The following KIF16B variants were observed in gnomAD, a reference collection of about 807,000 sequenced individuals.
KIF16B encodes the protein kinesin-like protein KIF16B.
In KIF16B, 98 loss-of-function variants were observed where a neutral mutation model predicts 156.3. The observed-to-expected ratio is 0.63, with a 90% CI of 0.53 to 0.74. The LOEUF is 0.74. Among genes scored for constraint, KIF16B ranks in the 30% least tolerant of loss-of-function variants. KIF16B has a pLI of 0.00. For synonymous variants in KIF16B, 564 were observed against 583.7 expected, an observed-to-expected ratio of 0.97 and a Z score of 0.49; for missense variants, 1,421 against 1,606.5, an observed-to-expected ratio of 0.88 and a Z score of 1.97.
rs771659575 is a variant in KIF16B at position 16,380,166 on chromosome 20, G to A, written c.1839-3C>T. The A allele has an allele frequency of 1.3e-6, 2 of 1,506,650 alleles. No homozygotes were observed. Among genetic ancestry groups the A allele is most frequent in the Middle Eastern group, 1.8e-4 (1 of 5,586 alleles). 93.3% of individuals were successfully genotyped at this position (1,506,650 alleles called of 1,614,324 possible). On this transcript the variant is annotated splice_polypyrimidine_tract_variant and splice_region_variant and intron_variant, in intron 18 of 25. Coordinates refer to ENST00000354981, the MANE Select transcript of KIF16B (RefSeq NM_024704.5). The stretch of plus-strand genomic sequence containing the variant: ...CCTCCATTTCTTCTATGAGTTTCCT[G>A]AAATGCAAAGCACTGACTGGTTGTT...
intron 22 of KIF16B, among the ~76,000 whole-genome samples, chr20:16,358,279 C>G (rs367746657): frequency 6.6e-6 from 1 of 152,292 alleles, no homozygotes; most frequent in African/African-American, 2.4e-5. Context: ...GAAAGGCAAA[C>G]TTCATGTTTT....
intron 25 of KIF16B, among the ~76,000 whole-genome samples, chr20:16,304,595 G>A (rs74971794): frequency 0.048 from 7,344 of 152,164 alleles, 221 homozygotes; most frequent in Non-Finnish European, 0.075. Flanking sequence ...CCTAAATGAG[G>A]AAGAAAACAG....
At chr20:16,308,885 T>C (rs1248937360) in intron 25 of KIF16B, among the ~76,000 whole-genome samples, 1 of 152,234 alleles carries the variant, frequency 6.6e-6, no homozygotes, top group Non-Finnish European at 1.5e-5. Flanking sequence ...GTACATTCTT[T>C]TCCTGTTACC....
intron 15 of KIF16B, among the ~76,000 whole-genome samples, chr20:16,411,612 A>G (rs1159679732): frequency 6.6e-6 from 1 of 152,056 alleles, no homozygotes; most frequent in Non-Finnish European, 1.5e-5. Flanking sequence ...TAATGCATGC[A>G]GGTCTTGGAC....
At chr20:16,387,853 TTTA>T (rs2065265564) in intron 17 of KIF16B, among the ~76,000 whole-genome samples, 1 of 151,776 alleles carries the variant, frequency 6.6e-6, no homozygotes, top group African/African-American at 2.4e-5. Context: ...AAGCCTTCAC[TTTA>T]GAGTGTCTGA....
chr20:16,376,296 C>T (rs1313993523), intron 19 of KIF16B, among the ~76,000 whole-genome samples: 1 of 152,126 alleles, frequency 6.6e-6, no homozygotes, highest in African/African-American at 2.4e-5. Context: ...GTCAATGGGG[C>T]AGCTGGAATG....
intron 22 of KIF16B, chr20:16,366,927 GTGA>G: frequency 8.1e-7 from 1 of 1,239,772 alleles, no homozygotes; most frequent in Non-Finnish European, 1.0e-6. Context: ...ATGAAGCAAG[GTGA>G]TGATAAAGAT....
intron 25 of KIF16B, among the ~76,000 whole-genome samples, chr20:16,284,385 T>G (rs144376613): frequency 6.6e-6 from 1 of 152,240 alleles, no homozygotes; most frequent in Non-Finnish European, 1.5e-5. Context: ...CCTTCCCCAG[T>G]AAGCCTCAAC....
intron 12 of KIF16B, among the ~76,000 whole-genome samples, chr20:16,456,894 C>A (rs950835913): frequency 2.6e-5 from 4 of 152,188 alleles, no homozygotes; most frequent in African/African-American, 9.7e-5. Context: ...CCCCACACAG[C>A]TTATAGGCTT....
At chr20:16,369,007 C>G in intron 22 of KIF16B, 1 of 985,816 alleles carries the variant, frequency 1.0e-6, no homozygotes, top group Non-Finnish European at 1.2e-6. Flanking sequence ...TTCAAAATGG[C>G]CAGCATGCTC....
chr20:16,289,862 T>A (rs191321701), intron 25 of KIF16B, among the ~76,000 whole-genome samples: 2 of 151,824 alleles, frequency 1.3e-5, no homozygotes, highest in South Asian at 4.2e-4. Flanking sequence ...AAGAAAAGAG[T>A]TGTGTTAAAA....
chr20:16,378,676 A>ATG lies in KIF16B; in HGVS notation c.3197+127_3197+128dup, dbSNP rs886785199. On this transcript the variant is annotated intron_variant, in intron 19 of 25. Coordinates refer to ENST00000354981, the MANE Select transcript of KIF16B (RefSeq NM_024704.5). Reference sequence around the variant, plus strand: ...TTCTGGCAAATATAAGCATTTGCCTATGTATTAAAGAATATGAAGGCTAAA... The same window carrying ATG: ...TTCTGGCAAATATAAGCATTTGCCTATGTGTATTAAAGAATATGAAGGCTAAA... 1.3e-4 allele frequency: 114 copies of ATG among 904,988 alleles called. No homozygotes were observed. In the Admixed American group the frequency reaches 2.9e-3, roughly 23 times the overall value. 56.1% of individuals were successfully genotyped at this position (904,988 alleles called of 1,614,324 possible). A position where few individuals can be genotyped will look rare whatever the true frequency, so the allele number is the denominator to read the frequency against.
intron 12 of KIF16B, among the ~76,000 whole-genome samples, chr20:16,437,976 T>TAAAAAAAAAA (rs1175714230): frequency 9.3e-5 from 10 of 107,782 alleles, no homozygotes; most frequent in African/African-American, 2.9e-4. Flanking sequence ...CTACTAAAAA[T>TAAAAAAAAAA]AAAAAAAAAT....
chr20:16,573,288 A>T lies in KIF16B; in HGVS notation c.-13T>A. The T allele has an allele frequency of 6.2e-7, 1 of 1,609,504 alleles. No homozygotes were observed. On this transcript the variant is annotated 5_prime_UTR_variant, in exon 1 of 26. Transcript: ENST00000354981. ...TGACCGATGCCATCGCTCATCCCGA[A>T]CCAGCCCGCGCGGGGTCCCACTAGC...
Position 16,374,302 on chromosome 20 carries a change from G to A in KIF16B, c.3305C>T (p.Pro1102Leu). 6.2e-7 allele frequency: 1 copy of A among 1,603,854 alleles called. No homozygotes were observed. Among genetic ancestry groups the A allele is most frequent in the South Asian group, 1.1e-5 (1 of 88,944 alleles). Residue 1102 changes from proline (P) to leucine (L), a missense_variant, in exon 20 of 26, where the codon CCA becomes CTA. Physicochemically the swap from Pro to Leu is moderately conservative, Grantham distance 98. Coordinates refer to ENST00000354981, the MANE Select transcript of KIF16B (RefSeq NM_024704.5). ...LEGKVASSSLPVSAEKSHLVP... is the reference protein window; with the variant it reads ...LEGKVASSSLLVSAEKSHLVP... The stretch of plus-strand genomic sequence containing the variant: ...CAGGTGTGATTTTTCAGCACTGACT[G>A]GCAAGCTGGAAGAAGCCACCTTCCC...
intron 23 of KIF16B, among the ~76,000 whole-genome samples, chr20:16,355,766 C>T (rs568371428): frequency 1.3e-5 from 2 of 151,904 alleles, no homozygotes; most frequent in South Asian, 4.2e-4. Context: ...TTGTATAAAT[C>T]AAGAAACACT....
At chr20:16,300,985 A>G (rs2063463612) in intron 25 of KIF16B, among the ~76,000 whole-genome samples, 1 of 152,068 alleles carries the variant, frequency 6.6e-6, no homozygotes, top group African/African-American at 2.4e-5. Context: ...TTCTCTGCCT[A>G]TTCATCTCTC....
intron 4 of KIF16B, among the ~76,000 whole-genome samples, chr20:16,513,386 C>T (rs570001325): frequency 3.9e-5 from 6 of 152,122 alleles, no homozygotes; most frequent in Admixed American, 2.6e-4. Context: ...TGGCCGGGTG[C>T]GGTGGTTCAC....
chr20:16,406,452 A>G lies in KIF16B; in HGVS notation c.1617T>C (p.Ala539=), dbSNP rs1468179294. 6.2e-7 allele frequency: 1 copy of G among 1,613,412 alleles called. No individual in the cohort carries two copies. Among genetic ancestry groups the G allele is most frequent in the Non-Finnish European group, 8.5e-7 (1 of 1,179,506 alleles). ...IVEATHLNQG[A]VILLGRTNMF... is the part of the protein sequence containing the mutation. ...TATTGGTTCTTCCCAAGAGAATCAC[A>G]GCACCTGAAAACACACAAAAACAGT... Residue 539 remains alanine, a synonymous_variant, in exon 16 of 26, where the codon GCT becomes GCC. Transcript: ENST00000354981.
Sources: allele counts gnomAD v4.1 joint callset (sites outside exome capture counted in the v4.1 genomes callset), GRCh38; gene constraint gnomAD v4.1.1; transcripts MANE v1.5; gene names NCBI Gene and HGNC (gene_info 2026-07-23, HGNC 2026-07-21).